The following ANKHD1 variants were observed in gnomAD, a reference collection of about 807,000 sequenced individuals.
ANKHD1 encodes the protein ankyrin repeat and KH domain containing 1.
In ANKHD1, 31 loss-of-function variants were observed where a neutral mutation model predicts 230.5. The ratio of observed to expected loss-of-function variants is 0.13; its 90% confidence interval spans 0.10 to 0.18. ANKHD1 has a LOEUF of 0.18. Ranked by LOEUF, ANKHD1 falls within the 10% of genes least tolerant of loss-of-function variation. The pLI is 1.00. For missense variants in ANKHD1, 2,256 were observed against 3,071.3 expected, an observed-to-expected ratio of 0.73 and a Z score of 6.27; for synonymous variants, 1,074 against 1,117.6, an observed-to-expected ratio of 0.96 and a Z score of 0.78.
intron 7 of ANKHD1, 142 bp downstream of exon 7, chr5:140,449,447 A>G (rs981698496): frequency 2.2e-6 from 2 of 916,022 alleles, no homozygotes; most frequent in Non-Finnish European, 3.2e-6. Flanking sequence ...GGCGGATCAC[A>G]TGGTCAGGAG....
chr5:140,420,060 A>G (rs1018694000), intron 1 of ANKHD1, among the ~76,000 whole-genome samples: 2 of 141,312 alleles, frequency 1.4e-5, no homozygotes, highest in Admixed American at 7.4e-5. Context: ...TAGTTGCTCC[A>G]TCATGGCTCA....
chr5:140,531,772 A>G lies in ANKHD1; in HGVS notation c.6850+1976A>G, dbSNP rs1361243052. 5.3e-5 allele frequency among the ~76,000 whole-genome samples: 8 copies of G among 152,172 alleles called. No homozygotes were observed. In the South Asian group the frequency reaches 1.7e-3, roughly 32 times the overall value. ...CTACTCCTAGGGAAGATATATGTCT[A>G]TAGAAAAACTGGCACACCAATGTTC... On this transcript the variant is annotated intron_variant, in intron 29 of 33. Transcript: ENST00000360839.
In ANKHD1 at chr5:140,495,447, G is replaced by A. The variant is rs191301604; in HGVS notation, c.2246-1073G>A. 8.1e-3 allele frequency among the ~76,000 whole-genome samples: 1,226 copies of A among 151,926 alleles called. 3 individuals carry two copies. The highest frequency in any genetic ancestry group is 0.013 in the Non-Finnish European group (865 of 67,942). ...TTTTTAGTAGAGACGGGGTTTCACC[G>A]TGTTAGCCAGGATGGTCTCGATCTC... On this transcript the variant is annotated intron_variant, in intron 14 of 33. Transcript: ENST00000360839.
chr5:140,517,405 C>A (rs1753075533), intron 24 of ANKHD1, among the ~76,000 whole-genome samples: 1 of 151,068 alleles, frequency 6.6e-6, no homozygotes, highest in East Asian at 1.9e-4. Context: ...AGCAAGGATA[C>A]CCAGGAATTG....
intron 10 of ANKHD1, among the ~76,000 whole-genome samples, chr5:140,466,950 A>C (rs1032466959): frequency 6.6e-6 from 1 of 151,974 alleles, no homozygotes; most frequent in Admixed American, 6.6e-5. Context: ...AAAAAAAAAA[A>C]GGCTCAGATA....
chr5:140,458,916 T>C (rs1455899990), intron 8 of ANKHD1, 54 bp downstream of exon 8: 16 of 1,408,962 alleles, frequency 1.1e-5, no homozygotes, highest in Non-Finnish European at 9.5e-7. Context: ...ATGTTTTGTG[T>C]TAGTACTGGT....
At chr5:140,419,108 C>G (rs1052923574) in intron 1 of ANKHD1, among the ~76,000 whole-genome samples, 23 of 151,992 alleles carry the variant, frequency 1.5e-4, no homozygotes, top group African/African-American at 5.1e-4. Flanking sequence ...CTCATCTTCA[C>G]TAACATTTGT....
chr5:140,419,657 A>G (rs1189278601), intron 1 of ANKHD1, among the ~76,000 whole-genome samples: 2 of 151,338 alleles, frequency 1.3e-5, no homozygotes, highest in Non-Finnish European at 2.9e-5. Flanking sequence ...ATGGAGTATC[A>G]GTATATTGCC....
At chr5:140,408,917 G>A (rs565613897) in intron 1 of ANKHD1, among the ~76,000 whole-genome samples, 8 of 152,276 alleles carry the variant, frequency 5.3e-5, no homozygotes, top group African/African-American at 1.9e-4. Flanking sequence ...ATCTAGAGCA[G>A]TTTCTCAAGA....
At chr5:140,452,702 C>T (rs1399829170) in intron 7 of ANKHD1, among the ~76,000 whole-genome samples, 1 of 152,068 alleles carries the variant, frequency 6.6e-6, no homozygotes, top group Non-Finnish European at 1.5e-5. Flanking sequence ...GACATCCACA[C>T]CAAAACCCCA....
At chr5:140,479,414 A>G (rs1349862561) in intron 10 of ANKHD1, among the ~76,000 whole-genome samples, 1 of 152,122 alleles carries the variant, frequency 6.6e-6, no homozygotes, top group Admixed American at 6.6e-5. Context: ...TTATGAAGGG[A>G]AAAAAATCAG....
At chr5:140,515,727 C>T (rs1198593354) in intron 24 of ANKHD1, among the ~76,000 whole-genome samples, 1 of 152,196 alleles carries the variant, frequency 6.6e-6, no homozygotes, top group East Asian at 1.9e-4. Context: ...AGACCTGCAG[C>T]TGAGGGTCCT....
chr5:140,505,474 T>C (rs555571795), intron 17 of ANKHD1, among the ~76,000 whole-genome samples: 2 of 152,278 alleles, frequency 1.3e-5, no homozygotes, highest in East Asian at 1.9e-4. Context: ...CCAAAGGTAG[T>C]TCATACAGAG....
intron 1 of ANKHD1, among the ~76,000 whole-genome samples, chr5:140,408,571 A>C (rs1019317409): frequency 6.6e-6 from 1 of 152,224 alleles, no homozygotes; most frequent in East Asian, 1.9e-4. Flanking sequence ...TACTTTTAAC[A>C]TCAAAAGCAA....
intron 24 of ANKHD1, among the ~76,000 whole-genome samples, chr5:140,523,780 C>A (rs1013453319): frequency 6.6e-6 from 1 of 152,076 alleles, no homozygotes; most frequent in African/African-American, 2.4e-5. Flanking sequence ...ACATTAGTCT[C>A]GAACTCCTGA....
At position 140,466,407 on chromosome 5, in the gene ANKHD1, GA is replaced by G. The variant is rs1365929533; in HGVS notation, c.1782+1638del. Among the ~76,000 whole-genome samples, 95 of 143,836 alleles carry G rather than the reference GA, an allele frequency of 6.6e-4. 1 individual carries two copies. The Middle Eastern group carries it at 0.011, about 16-fold the overall frequency. 94.4% of individuals were successfully genotyped at this position (143,836 alleles called of 152,430 possible). ...AACGCCATCTCAAAAAAAAAAAAAA[GA>G]AAAAAATTAAATAGGATAAAAGAGG... On this transcript the variant is annotated intron_variant, in intron 10 of 33. Coordinates refer to ENST00000360839, the MANE Select transcript of ANKHD1 (RefSeq NM_017747.3).
intron 10 of ANKHD1, 28 bp from the exon 11 acceptor site, chr5:140,482,552 T>C: frequency 6.2e-7 from 1 of 1,607,082 alleles, no homozygotes; most frequent in Non-Finnish European, 8.5e-7. Context: ...TTGGCATTGA[T>C]GGATTATTTT....
intron 31 of ANKHD1, 97 bp downstream of exon 31, chr5:140,537,686 C>T: frequency 6.9e-7 from 1 of 1,438,860 alleles, no homozygotes; most frequent in Non-Finnish European, 9.1e-7. Context: ...ACAAAAAAAA[C>T]TTAGTTCCTA....
At chr5:140,476,329 G>C (rs764807793) in intron 10 of ANKHD1, among the ~76,000 whole-genome samples, 6 of 152,082 alleles carry the variant, frequency 3.9e-5, no homozygotes, top group Non-Finnish European at 7.4e-5. Context: ...TGAAGAGAAT[G>C]GTGGAGAATT....
Sources: allele counts gnomAD v4.1 joint callset (sites outside exome capture counted in the v4.1 genomes callset), GRCh38; gene constraint gnomAD v4.1.1; transcripts MANE v1.5; gene names NCBI Gene and HGNC (gene_info 2026-07-23, HGNC 2026-07-21).